LRRC27: variants seen among roughly 807,000 people sequenced by gnomAD.
The protein encoded by LRRC27 is leucine rich repeat containing 27, also known as leucine-rich repeat-containing protein 27.
A neutral mutation model predicts 55.0 loss-of-function variants in LRRC27; 57 were observed. That is an observed-to-expected ratio of 1.04 (90% CI 0.84 to 1.29). LRRC27 has a LOEUF of 1.29. Ranked by LOEUF, LRRC27 falls within the 50% of genes most tolerant of loss-of-function variation. The pLI is 0.00. For synonymous variants in LRRC27, 278 were observed against 251.9 expected, an observed-to-expected ratio of 1.10 and a Z score of -0.98; for missense variants, 721 against 651.5, an observed-to-expected ratio of 1.11 and a Z score of -1.16.
At chr10:132,336,308 G>T (rs554929025) in intron 2 of LRRC27, among the ~76,000 whole-genome samples, 1 of 152,332 alleles carries the variant, frequency 6.6e-6, no homozygotes, top group South Asian at 2.1e-4. Flanking sequence ...GCCTGTATGT[G>T]GGGGGTGCAC....
intron 3 of LRRC27, among the ~76,000 whole-genome samples, chr10:132,340,202 A>G (rs754605667): frequency 6.6e-6 from 1 of 152,224 alleles, no homozygotes; most frequent in Non-Finnish European, 1.5e-5. Flanking sequence ...AATGAAACGA[A>G]TCAACGGGTA....
At position 132,379,314 on chromosome 10, in the gene LRRC27, T is replaced by C. The variant is rs988086073; in HGVS notation, c.*4072T>C. On this transcript the variant is annotated 3_prime_UTR_variant, in exon 11 of 11. Transcript: ENST00000368614. ...AGGGAGTGCGTGGTCTTGGATGCCA[T>C]CCTGCTCATCTCCAGCATTTCCTCT... 1 of 148,678 alleles carries C rather than the reference T, an allele frequency of 6.7e-6. No individual in the cohort carries two copies. Among genetic ancestry groups the C allele is most frequent in the African/African-American group, 2.5e-5 (1 of 39,322 alleles). 9.2% of individuals were successfully genotyped at this position (148,678 alleles called of 1,614,324 possible).
intron 10 of LRRC27, among the ~76,000 whole-genome samples, chr10:132,370,981 G>A (rs557023892): frequency 6.6e-6 from 1 of 152,254 alleles, no homozygotes; most frequent in South Asian, 2.1e-4. Flanking sequence ...CGTTAGAGAC[G>A]AGTCCTGGCT....
At chr10:132,373,283 ATCCGGCAGGT>A (rs527667519) in intron 10 of LRRC27, among the ~76,000 whole-genome samples, 3 of 152,352 alleles carry the variant, frequency 2.0e-5, no homozygotes, top group South Asian at 2.1e-4. Flanking sequence ...AGAGCGAAGC[ATCCGGCAGGT>A]TCCGGCAGGT....
At chr10:132,331,868 C>T (rs370554432), upstream of LRRC27, 235 of 1,298,284 alleles carry the variant, frequency 1.8e-4, no homozygotes, top group African/African-American at 3.0e-3. Flanking sequence ...TGGCCGCGTG[C>T]GTGCGCAGGC....
chr10:132,361,763 G>A (rs1434987120), intron 9 of LRRC27, among the ~76,000 whole-genome samples, 188 bp downstream of exon 9: 1 of 152,056 alleles, frequency 6.6e-6, no homozygotes, highest in Non-Finnish European at 1.5e-5. Context: ...TGGAAGATGG[G>A]GTCCTTGCCC....
At chr10:132,373,748 G>A (rs572195516) in intron 10 of LRRC27, among the ~76,000 whole-genome samples, 18 of 152,256 alleles carry the variant, frequency 1.2e-4, no homozygotes, top group Admixed American at 6.5e-4. Flanking sequence ...GCCCCCGGCC[G>A]CCCCCTACTG....
At chr10:132,369,662 CTG>C (rs1433288162) in intron 10 of LRRC27, among the ~76,000 whole-genome samples, 3 of 152,212 alleles carry the variant, frequency 2.0e-5, no homozygotes, top group African/African-American at 7.2e-5. Context: ...ACCCCACAGA[CTG>C]TGCCACCCCA....
intron 7 of LRRC27, chr10:132,352,951 G>T (rs1363579761): frequency 6.2e-7 from 1 of 1,613,876 alleles, no homozygotes; most frequent in Admixed American, 1.7e-5. Flanking sequence ...TCATTCTTGT[G>T]TTGCTGTGAC....
At chr10:132,361,818 G>A (rs748019578) in intron 9 of LRRC27, among the ~76,000 whole-genome samples, 1 of 152,102 alleles carries the variant, frequency 6.6e-6, no homozygotes, top group South Asian at 2.1e-4. Flanking sequence ...TAGGTCACCA[G>A]GATACAGAGT....
intron 6 of LRRC27, chr10:132,349,177 C>T (rs1394015057): frequency 5.5e-6 from 4 of 733,278 alleles, no homozygotes; most frequent in African/African-American, 1.7e-5. Context: ...CATGCATTCT[C>T]AAGGGGCACA....
intron 8 of LRRC27, among the ~76,000 whole-genome samples, chr10:132,360,698 T>C (rs1216078197): frequency 6.6e-6 from 1 of 152,188 alleles, no homozygotes; most frequent in African/African-American, 2.4e-5. Flanking sequence ...GAGGAGAGAA[T>C]GGCAGATACA....
intron 4 of LRRC27, 76 bp from the exon 5 acceptor site, chr10:132,344,422 T>C: frequency 7.1e-7 from 1 of 1,400,682 alleles, no homozygotes; most frequent in Admixed American, 2.1e-5. Context: ...TGTGAAAAGT[T>C]ACTATTATTT....
Position 132,352,840 on chromosome 10 carries a change from C to G in LRRC27, c.1073+1087C>G, listed in dbSNP as rs370650022. On this transcript the variant is annotated intron_variant, in intron 7 of 10. Transcript: ENST00000368614. Reference sequence around the variant, plus strand: ...GCCCTGGCTTCCTCACGACACCTGCCTGCTTTCTTGTTCTTTTCCCTCATT... The same window carrying G: ...GCCCTGGCTTCCTCACGACACCTGCGTGCTTTCTTGTTCTTTTCCCTCATT... 4.4e-6 allele frequency: 7 copies of G among 1,608,318 alleles called. No homozygotes were observed. The East Asian group carries it at 6.7e-5, about 15-fold the overall frequency.
chr10:132,347,939 G>T (rs989796455), intron 5 of LRRC27, 45 bp from the exon 6 acceptor site: 4 of 1,539,626 alleles, frequency 2.6e-6, no homozygotes, highest in East Asian at 2.3e-5. Context: ...GTCACAGAGG[G>T]ATGGCGTTGA....
At chr10:132,373,743 C>T (rs187906118) in intron 10 of LRRC27, among the ~76,000 whole-genome samples, 5 of 152,284 alleles carry the variant, frequency 3.3e-5, no homozygotes, top group East Asian at 3.9e-4. Flanking sequence ...CAGAAGCCCC[C>T]GGCCGCCCCC....
upstream of LRRC27, chr10:132,331,846 G>T (rs750554970): frequency 2.0e-6 from 3 of 1,473,934 alleles, no homozygotes; most frequent in Admixed American, 3.9e-5. Flanking sequence ...GCGGAAAAAC[G>T]GATGCTACCG....
chr10:132,371,413 C>T (rs2069213669), intron 10 of LRRC27, among the ~76,000 whole-genome samples: 1 of 152,216 alleles, frequency 6.6e-6, no homozygotes, highest in African/African-American at 2.4e-5. Flanking sequence ...GAAAGCAAAC[C>T]AGCCAACAGA....
chr10:132,355,939 G>A, intron 8 of LRRC27, 53 bp downstream of exon 8: 1 of 1,332,274 alleles, frequency 7.5e-7, no homozygotes, highest in Non-Finnish European at 1.0e-6. Flanking sequence ...GGGGGTGGGT[G>A]GGTGCTCACA....
Sources: gnomAD v4.1 joint callset for allele counts (sites outside exome capture counted in the v4.1 genomes callset) on GRCh38, gnomAD v4.1.1 for gene constraint, MANE v1.5 for transcripts, NCBI Gene and HGNC (gene_info 2026-07-23, HGNC 2026-07-21) for gene names.